Variants in TRIM37 observed in about 807,000 individuals in gnomAD.
TRIM37 encodes the protein E3 ubiquitin-protein ligase TRIM37.
A neutral mutation model predicts 129.8 loss-of-function variants in TRIM37; 80 were observed. That is an observed-to-expected ratio of 0.62 (90% confidence interval 0.51 to 0.74). TRIM37 has a LOEUF of 0.74. TRIM37 is among the 30% of genes least tolerant of loss of function. The probability of loss-of-function intolerance (pLI) is 0.00; values close to 1 mark genes in which losing one functional copy is unlikely to be tolerated. For missense variants in TRIM37, 1,054 were observed against 1,176.5 expected, an observed-to-expected ratio of 0.90 and a Z score of 1.52; for synonymous variants, 389 against 387.1, an observed-to-expected ratio of 1.00 and a Z score of -0.06.
chr17:58,989,134 A>C (rs2032102114), intron 24 of TRIM37, among the ~76,000 whole-genome samples: 1 of 152,238 alleles, frequency 6.6e-6, no homozygotes, highest in Admixed American at 6.5e-5. Context: ...ATTCATCAGA[A>C]CCAGAGTCAG....
At chr17:59,095,550 T>C (rs896571618) in intron 2 of TRIM37, among the ~76,000 whole-genome samples, 1 of 152,148 alleles carries the variant, frequency 6.6e-6, no homozygotes, top group Non-Finnish European at 1.5e-5. Flanking sequence ...ATAGGAAATT[T>C]GTTAACAAAG....
chr17:59,026,332 G>A (rs1323373035), intron 19 of TRIM37, among the ~76,000 whole-genome samples: 1 of 152,158 alleles, frequency 6.6e-6, no homozygotes, highest in Non-Finnish European at 1.5e-5. Flanking sequence ...ACAGGAGAAA[G>A]CTTCATGACA....
At chr17:59,024,784 C>T (rs1342221976) in intron 19 of TRIM37, among the ~76,000 whole-genome samples, 1 of 152,240 alleles carries the variant, frequency 6.6e-6, no homozygotes, top group Non-Finnish European at 1.5e-5. Context: ...ATCAGCATCC[C>T]AAAATGCTGG....
At chr17:58,978,085 T>C (rs2031130052), downstream of TRIM37, among the ~76,000 whole-genome samples, 1 of 152,206 alleles carries the variant, frequency 6.6e-6, no homozygotes, top group Admixed American at 6.5e-5. Flanking sequence ...ATAATGAATA[T>C]ATAGTCAGAT....
intron 9 of TRIM37, among the ~76,000 whole-genome samples, chr17:59,067,560 T>A (rs369618891): frequency 3.9e-5 from 6 of 152,360 alleles, no homozygotes; most frequent in East Asian, 3.9e-4. Flanking sequence ...AAACTGGTTC[T>A]CCTTATCAAC....
At chr17:59,054,383 C>T (rs1001656270) in intron 13 of TRIM37, among the ~76,000 whole-genome samples, 1 of 152,008 alleles carries the variant, frequency 6.6e-6, no homozygotes, top group Non-Finnish European at 1.5e-5. Flanking sequence ...CTCACTGCAA[C>T]ATCTGCCTCC....
At chr17:59,017,522 A>G in intron 19 of TRIM37, 98 bp from the exon 20 acceptor site, 1 of 1,525,710 alleles carries the variant, frequency 6.6e-7, no homozygotes, top group African/African-American at 1.4e-5. Flanking sequence ...CTTGCATGGA[A>G]GCTGTTCTCT....
At chr17:59,026,246 T>C (rs1433332465) in intron 19 of TRIM37, among the ~76,000 whole-genome samples, 1 of 152,098 alleles carries the variant, frequency 6.6e-6, no homozygotes, top group Non-Finnish European at 1.5e-5. Flanking sequence ...CCTGACACCA[T>C]AAACAAAATT....
rs370362829 is a variant in TRIM37 at position 59,088,322 on chromosome 17, G to C, written c.250C>G (p.Leu84Val). 6.2e-7 allele frequency: 1 copy of C among 1,612,840 alleles called. No individual in the cohort carries two copies. ...QQLDTLQLCS[L>V]TKHEENEKDK... is the part of the protein sequence containing the mutation. ...TTTTCATTTTCTTCATGTTTGGTGA[G>C]ACTGCAGAGTTGAAGAGTATCAAGC... is the stretch of plus-strand genomic sequence containing the variant. Residue 84 changes from leucine to valine, a missense_variant, in exon 4 of 24, where the codon CTC becomes GTC. Coordinates refer to ENST00000262294, the MANE Select transcript of TRIM37 (RefSeq NM_015294.6).
chr17:59,033,660 C>T (rs1017605055), intron 17 of TRIM37, among the ~76,000 whole-genome samples: 2 of 151,994 alleles, frequency 1.3e-5, no homozygotes, highest in South Asian at 2.1e-4. Context: ...GTGATCCGCC[C>T]GCCTCAGCCT....
At chr17:58,983,464 G>GTGAT (rs1463748872) in intron 24 of TRIM37, 1 of 152,676 alleles carries the variant, frequency 6.5e-6, no homozygotes. Flanking sequence ...AACGCCACTG[G>GTGAT]TGATAGGAAG....
At chr17:59,083,257 G>A (rs917643049) in intron 5 of TRIM37, among the ~76,000 whole-genome samples, 1 of 152,096 alleles carries the variant, frequency 6.6e-6, no homozygotes, top group Non-Finnish European at 1.5e-5. Flanking sequence ...CCAACATGGA[G>A]AAACCCCGTC....
intron 18 of TRIM37, among the ~76,000 whole-genome samples, chr17:59,029,758 C>A (rs368071636): frequency 7.4e-4 from 113 of 152,186 alleles, no homozygotes; most frequent in African/African-American, 2.7e-3. Context: ...AGCACTCCAG[C>A]CTGGGCAACA....
chr17:59,085,659 T>C (rs1764787519), intron 4 of TRIM37, among the ~76,000 whole-genome samples: 1 of 152,114 alleles, frequency 6.6e-6, no homozygotes. Context: ...AAATTAAAAA[T>C]AGAATTACCA....
intron 7 of TRIM37, 75 bp from the exon 8 acceptor site, chr17:59,075,789 T>C (rs2042765879): frequency 8.7e-7 from 1 of 1,152,748 alleles, no homozygotes; most frequent in Non-Finnish European, 1.3e-6. Flanking sequence ...CCAATGAACA[T>C]ATTTAATAAC....
At chr17:59,082,935 A>C (rs2043423025) in intron 5 of TRIM37, among the ~76,000 whole-genome samples, 3 of 152,188 alleles carry the variant, frequency 2.0e-5, no homozygotes, top group Admixed American at 6.5e-5. Flanking sequence ...GAAAGCTCTG[A>C]ATTGAGCTCT....
At chr17:59,030,994 C>A (rs1482556669) in intron 18 of TRIM37, among the ~76,000 whole-genome samples, 2 of 152,198 alleles carry the variant, frequency 1.3e-5, no homozygotes, top group East Asian at 3.9e-4. Context: ...GTTTCATAAC[C>A]TGAAGATAGT....
At chr17:59,011,853 C>T (rs1461916676) in intron 22 of TRIM37, among the ~76,000 whole-genome samples, 1 of 152,160 alleles carries the variant, frequency 6.6e-6, no homozygotes, top group Non-Finnish European at 1.5e-5. Context: ...AAATACTTAA[C>T]ATTTACTATT....
At position 59,079,814 on chromosome 17, in the gene TRIM37, C is replaced by T. The variant is rs762699288; in HGVS notation, c.556G>A (p.Val186Met). The T allele has an allele frequency of 6.2e-7, 1 of 1,614,086 alleles. No individual in the cohort carries two copies. Among genetic ancestry groups the T allele is most frequent in the Admixed American group, 1.7e-5 (1 of 60,022 alleles). Residue 186 changes from valine to methionine, a missense_variant, in exon 7 of 24, where the codon GTG (valine) becomes ATG (methionine). Val to Met is a conservative substitution (Grantham distance 21, BLOSUM62 1). This residue lies in a region of TRIM37 where 752 missense variants were observed against 870.8 expected (regional missense o/e 0.86). Transcript: ENST00000262294. The stretch of plus-strand genomic sequence containing the variant: ...TCTAACCGTGCAATCATCATCTCCA[C>T]TGCATTCCTAATTTCCCGAACACGC... The part of the protein sequence containing the change: ...DERVREIRNA[V>M]EMMIARLDTQ...
Sources: allele counts gnomAD v4.1 joint callset (sites outside exome capture counted in the v4.1 genomes callset), GRCh38; gene constraint gnomAD v4.1.1; regional missense constraint gnomAD v4.1.1; transcripts MANE v1.5; gene names NCBI Gene and HGNC (gene_info 2026-07-23, HGNC 2026-07-21).